ARHGEF12: variants seen among roughly 807,000 people sequenced by gnomAD.
The protein encoded by ARHGEF12 is KMT2A/ARHGEF12 fusion protein.
Under a neutral mutation model 211.2 loss-of-function variants are expected in ARHGEF12, and 66 were observed. The ratio of observed to expected loss-of-function variants is 0.31; its 90% CI spans 0.26 to 0.38. The LOEUF (loss-of-function observed/expected upper bound fraction) is 0.38. Among genes scored for constraint, ARHGEF12 ranks in the 10% least tolerant of loss-of-function variants. The pLI is 1.00. For synonymous variants in ARHGEF12, 592 were observed against 638.4 expected (o/e 0.93, Z 1.09); for missense variants, 1,429 against 1,869.5 (o/e 0.76, Z 4.34).
intron 1 of ARHGEF12, among the ~76,000 whole-genome samples, chr11:120,369,789 A>C (rs1454154150): frequency 2.6e-5 from 4 of 152,202 alleles, no homozygotes; most frequent in Non-Finnish European, 5.9e-5. Context: ...GGAATATTTC[A>C]CAATAAAGTA....
Position 120,488,698 on chromosome 11 carries a change from A to C in ARHGEF12, c.*3621A>C, listed in dbSNP as rs1591657517. 1 of 219,884 alleles carries C rather than the reference A, an allele frequency of 4.5e-6. No individual in the cohort carries two copies. The highest frequency in any genetic ancestry group is 6.7e-5 in the East Asian group (1 of 14,900). The allele number at this position is 219,884 out of a possible 1,614,324, so 13.6% of individuals were successfully genotyped here. A position where few individuals can be genotyped will look rare whatever the true frequency, so the allele number is the denominator to read the frequency against. ...CATGTGCACACTGTTGGTTATTTTT[A>C]ATAAGCCTCTTCCTACTAGAACATT... On this transcript the variant is annotated 3_prime_UTR_variant, in exon 41 of 41. Coordinates refer to ENST00000397843, the MANE Select transcript of ARHGEF12 (RefSeq NM_015313.3).
At chr11:120,413,284 T>G (rs1944939257) in intron 4 of ARHGEF12, among the ~76,000 whole-genome samples, 1 of 152,226 alleles carries the variant, frequency 6.6e-6, no homozygotes, top group Admixed American at 6.5e-5. Flanking sequence ...AAGGCTTAAT[T>G]CAAGTACTGC....
chr11:120,381,903 A>C (rs12291110), intron 1 of ARHGEF12, among the ~76,000 whole-genome samples: 2,005 of 152,322 alleles, frequency 0.013, 50 homozygotes, highest in African/African-American at 0.046. Flanking sequence ...GGAATGATAC[A>C]GTCTTTGGAT....
At position 120,485,221 on chromosome 11, in the gene ARHGEF12, G is replaced by T; in HGVS notation, c.*144G>T. ...CACCTGGGATTAGTCAAGTCCCAAG[G>T]TGCCCAGAGTGGGACTAGTTCTTCA... On this transcript the variant is annotated 3_prime_UTR_variant, in exon 41 of 41. Coordinates refer to ENST00000397843, the MANE Select transcript of ARHGEF12 (RefSeq NM_015313.3). 1 of 952,832 alleles carries T rather than the reference G, an allele frequency of 1.0e-6. No individual in the cohort carries two copies. The highest frequency in any genetic ancestry group is 1.5e-5 in the South Asian group (1 of 65,806). The allele number at this position is 952,832 out of a possible 1,614,324, so 59.0% of individuals were successfully genotyped here.
At chr11:120,357,465 G>T (rs1005491897) in intron 1 of ARHGEF12, among the ~76,000 whole-genome samples, 3 of 152,230 alleles carry the variant, frequency 2.0e-5, no homozygotes, top group Non-Finnish European at 4.4e-5. Flanking sequence ...TTTTTGGACA[G>T]ATCACAGACA....
At chr11:120,433,406 G>A (rs965473931) in intron 11 of ARHGEF12, among the ~76,000 whole-genome samples, 17 of 152,112 alleles carry the variant, frequency 1.1e-4, no homozygotes, top group Admixed American at 2.0e-4. Context: ...AGTACATACC[G>A]CTTTTGGGAA....
At chr11:120,372,192 ACTAG>A (rs1275454600) in intron 1 of ARHGEF12, among the ~76,000 whole-genome samples, 1 of 152,268 alleles carries the variant, frequency 6.6e-6, no homozygotes, top group Non-Finnish European at 1.5e-5. Flanking sequence ...TAAGGTAACC[ACTAG>A]TACAGTAAAA....
At chr11:120,398,027 A>C (rs1220887792) in intron 1 of ARHGEF12, among the ~76,000 whole-genome samples, 1 of 152,148 alleles carries the variant, frequency 6.6e-6, no homozygotes, top group Admixed American at 6.6e-5. Flanking sequence ...TTTGGACATA[A>C]AGAAAGTGAG....
At chr11:120,467,102 A>G (rs1946725001) in intron 28 of ARHGEF12, 92 bp from the exon 29 acceptor site, 4 of 739,828 alleles carry the variant, frequency 5.4e-6, no homozygotes, top group Non-Finnish European at 9.2e-6. Flanking sequence ...AATAACCAGA[A>G]CTGTGATGCA....
intron 6 of ARHGEF12, among the ~76,000 whole-genome samples, chr11:120,423,219 T>C (rs1320157489): frequency 6.6e-6 from 1 of 152,142 alleles, no homozygotes; most frequent in Non-Finnish European, 1.5e-5. Flanking sequence ...TACATTTGGC[T>C]GTCAGAAAAT....
At chr11:120,375,892 C>T (rs1219577669) in intron 1 of ARHGEF12, among the ~76,000 whole-genome samples, 4 of 152,078 alleles carry the variant, frequency 2.6e-5, no homozygotes, top group African/African-American at 9.7e-5. Flanking sequence ...CAAATGAGTA[C>T]TGGTCAGGTT....
chr11:120,351,867 T>G (rs981445340), intron 1 of ARHGEF12, among the ~76,000 whole-genome samples: 2 of 152,164 alleles, frequency 1.3e-5, no homozygotes, highest in Admixed American at 1.3e-4. Flanking sequence ...AGCTAAATAC[T>G]GTTGTCCCTG....
In ARHGEF12 at chr11:120,442,197, T is replaced by C; in HGVS notation, c.1297T>C (p.Ser433Pro). ...LEFHQFFLDR[S>P]AHLKVSVPDE... ...GTTTCATCAGTTCTTTCTAGATCGATCAGCAGTAAGTTGCCAAGTTAATGT... is the reference window on the plus strand; with the variant it reads ...GTTTCATCAGTTCTTTCTAGATCGACCAGCAGTAAGTTGCCAAGTTAATGT... The change falls in exon 15 of 41, where the codon TCA becomes CCA. Residue 433 changes from serine to proline, a missense_variant. Ser to Pro is a moderately conservative substitution (Grantham distance 74). Transcript: ENST00000397843. 1.2e-6 allele frequency: 2 copies of C among 1,605,148 alleles called. No homozygotes were observed. Among genetic ancestry groups the C allele is most frequent in the Non-Finnish European group, 1.7e-6 (2 of 1,176,496 alleles).
intron 4 of ARHGEF12, among the ~76,000 whole-genome samples, chr11:120,415,736 T>C (rs1248014542): frequency 6.6e-6 from 1 of 152,230 alleles, no homozygotes. Flanking sequence ...TTCAGTTAAT[T>C]ATTACCACAG....
intron 19 of ARHGEF12, 110 bp from the exon 20 acceptor site, chr11:120,448,124 G>T: frequency 1.1e-6 from 1 of 870,632 alleles, no homozygotes. Flanking sequence ...GTGTTTGTTT[G>T]ATTTATTTCA....
At chr11:120,479,234 AG>A (rs1947158520) in intron 37 of ARHGEF12, among the ~76,000 whole-genome samples, 1 of 152,218 alleles carries the variant, frequency 6.6e-6, no homozygotes, top group Non-Finnish European at 1.5e-5. Flanking sequence ...GTAGAGCAGA[AG>A]GACAGAGGAT....
intron 17 of ARHGEF12, 102 bp from the exon 18 acceptor site, chr11:120,446,846 C>A: frequency 7.1e-7 from 1 of 1,411,298 alleles, no homozygotes; most frequent in East Asian, 2.3e-5. Flanking sequence ...TGACATTTTT[C>A]CTGTTCCTAG....
Position 120,421,429 on chromosome 11 carries a change from G to GTTTTTTT in ARHGEF12, c.299-368_299-362dup, listed in dbSNP as rs1175598503. Reference sequence around the variant, plus strand: ...ATGTAAAGTCTGACTTTACAGCCTTGTTTTTTTTTTTTGTTTTTTTTTTTT... The same window carrying GTTTTTTT: ...ATGTAAAGTCTGACTTTACAGCCTTGTTTTTTTTTTTTTTTTTTTGTTTTTTTTTTTT... On this transcript the variant is annotated intron_variant, in intron 5 of 40. Transcript: ENST00000397843. Among the ~76,000 whole-genome samples, 62 of 79,880 alleles carry GTTTTTTT rather than the reference G, an allele frequency of 7.8e-4. 16 individuals carry two copies. In the South Asian group the frequency reaches 0.015, roughly 20 times the overall value. The allele number at this position is 79,880 out of a possible 152,430, so 52.4% of individuals were successfully genotyped here.
chr11:120,392,090 T>A (rs1357031722), intron 1 of ARHGEF12, among the ~76,000 whole-genome samples: 1 of 152,208 alleles, frequency 6.6e-6, no homozygotes, highest in Non-Finnish European at 1.5e-5. Flanking sequence ...TGTCTACTTC[T>A]GTGGATCTCA....
Sources: allele counts gnomAD v4.1 joint callset (sites outside exome capture counted in the v4.1 genomes callset), GRCh38; gene constraint gnomAD v4.1.1; transcripts MANE v1.5; gene names NCBI Gene and HGNC (gene_info 2026-07-23, HGNC 2026-07-21).